The following DYNC2H1 variants were observed in gnomAD, a reference collection of about 807,000 sequenced individuals.
DYNC2H1 encodes cytoplasmic dynein 2 heavy chain 1.
A neutral mutation model predicts 570.0 loss-of-function variants in DYNC2H1; 410 were observed. The ratio of observed to expected loss-of-function variants is 0.72; its 90% CI spans 0.66 to 0.78. The LOEUF (loss-of-function observed/expected upper bound fraction) is 0.78, where lower values mean the gene tolerates loss of function less well. Ranked by LOEUF, DYNC2H1 falls within the 30% of genes least tolerant of loss-of-function variation. DYNC2H1 has a pLI of 0.00. For missense variants in DYNC2H1, 4,865 were observed against 5,046.4 expected, an observed-to-expected ratio of 0.96 and a Z score of 1.09; for synonymous variants, 1,688 against 1,677.6, an observed-to-expected ratio of 1.01 and a Z score of -0.15.
chr11:103,187,431 C>G lies in DYNC2H1; in HGVS notation c.6985C>G (p.Gln2329Glu), dbSNP rs1294878189. The change falls in exon 43 of 89, where the codon CAG becomes GAG. Residue 2329 changes from glutamine to glutamate, a missense_variant. Physicochemically the swap from Gln to Glu is conservative, Grantham distance 29. Transcript: ENST00000375735. ...SAQTTSRHLL[Q>E]KLSQTCMVIS... The stretch of plus-strand genomic sequence containing the variant: ...ACAAACCACTTCTCGACATCTCCTG[C>G]AGAAACTGAGCCAGACTTGCATGGT... 6.2e-7 allele frequency: 1 copy of G among 1,613,300 alleles called. No homozygotes were observed. Among genetic ancestry groups the G allele is most frequent in the Non-Finnish European group, 8.5e-7 (1 of 1,179,452 alleles).
chr11:103,192,120 T>G lies in DYNC2H1; in HGVS notation c.7564T>G (p.Tyr2522Asp). The G allele has an allele frequency of 2.0e-6, 3 of 1,533,064 alleles. No individual in the cohort carries two copies. Among genetic ancestry groups the G allele is most frequent in the Non-Finnish European group, 1.8e-6 (2 of 1,134,254 alleles). 95.0% of individuals were successfully genotyped at this position (1,533,064 alleles called of 1,614,324 possible). ...AGGATCCTCAAACCATCCACTAGATTATGTGTTAGAAATTGTAGCATATGA... is the reference window on the plus strand; with the variant it reads ...AGGATCCTCAAACCATCCACTAGATGATGTGTTAGAAATTGTAGCATATGA... ...EGGSSNHPLD[Y>D]VLEIVAYEAR... The change falls in exon 47 of 89, where the codon TAT becomes GAT. Residue 2522 changes from tyrosine to aspartate, a missense_variant. Physicochemically the swap from Tyr to Asp is radical, Grantham distance 160. This residue lies in a region of DYNC2H1 where 2,401 missense variants were observed against 2,454.6 expected (regional missense o/e 0.98). Transcript: ENST00000375735.
intron 85 of DYNC2H1, among the ~76,000 whole-genome samples, chr11:103,453,445 A>G (rs1255412458): frequency 1.3e-5 from 2 of 151,892 alleles, no homozygotes; most frequent in African/African-American, 2.4e-5. Context: ...TTTGTTATTT[A>G]TTTATCTCAT....
intron 84 of DYNC2H1, among the ~76,000 whole-genome samples, chr11:103,409,287 C>T (rs1942989526): frequency 6.6e-6 from 1 of 151,800 alleles, no homozygotes; most frequent in African/African-American, 2.4e-5. Flanking sequence ...TGGGTTATTC[C>T]GGTTTGATGT....
Position 103,204,707 on chromosome 11 carries a change from T to C in DYNC2H1, c.8312-115T>C. Reference sequence around the variant, plus strand: ...AATCATAACATAATATTGTTTTATATTGTGCTCGTTTTAAGAAACAACTCC... The same window carrying C: ...AATCATAACATAATATTGTTTTATACTGTGCTCGTTTTAAGAAACAACTCC... On this transcript the variant is annotated intron_variant, in intron 51 of 88. Transcript: ENST00000375735. The surrounding 1 kb of genome is among the most constrained non-coding windows in gnomAD (Gnocchi z 4.1). 1 of 693,810 alleles carries C rather than the reference T, an allele frequency of 1.4e-6. No individual in the cohort carries two copies. Among genetic ancestry groups the C allele is most frequent in the Non-Finnish European group, 2.3e-6 (1 of 433,528 alleles). The allele number at this position is 693,810 out of a possible 1,614,324, so 43.0% of individuals were successfully genotyped here.
intron 55 of DYNC2H1, among the ~76,000 whole-genome samples, chr11:103,218,191 A>G (rs1370315590): frequency 1.3e-5 from 2 of 152,184 alleles, no homozygotes; most frequent in Admixed American, 1.3e-4. Flanking sequence ...ATCTTAGTAC[A>G]TCAGCCAGCA....
At chr11:103,154,854 G>A (rs1332636283) in intron 24 of DYNC2H1, 45 bp downstream of exon 24, 4 of 1,407,262 alleles carry the variant, frequency 2.8e-6, no homozygotes, top group African/African-American at 1.5e-5. Context: ...AATGTTTGGA[G>A]CTTTCATCTT....
Position 103,461,735 on chromosome 11 carries a change from T to G in DYNC2H1, c.12648+5379T>G, listed in dbSNP as rs1009049908. Among the ~76,000 whole-genome samples, 1 of 152,066 alleles carries G rather than the reference T, an allele frequency of 6.6e-6. No homozygotes were observed. The highest frequency in any genetic ancestry group is 2.4e-5 in the African/African-American group (1 of 41,436). ...TCCTTTGGTCTTCAAGGTTTTTTTTTTTTAATAATGTTTAATACTTTCTAT... is the reference window on the plus strand; with the variant it reads ...TCCTTTGGTCTTCAAGGTTTTTTTTGTTTAATAATGTTTAATACTTTCTAT... On this transcript the variant is annotated intron_variant, in intron 87 of 88. Coordinates refer to ENST00000375735, the MANE Select transcript of DYNC2H1 (RefSeq NM_001377.3). The surrounding 1 kb of genome is among the most constrained non-coding windows in gnomAD (Gnocchi z 4.8).
chr11:103,177,524 A>C lies in DYNC2H1; in HGVS notation c.5875-32A>C. 4 of 1,573,646 alleles carry C rather than the reference A, an allele frequency of 2.5e-6. No homozygotes were observed. The highest frequency in any genetic ancestry group is 3.4e-6 in the Non-Finnish European group (4 of 1,164,778). ...GAACTAAGTATGATTGAATATTATAAATCATATATGAACATATTTCTTTCC... is the reference window on the plus strand; with the variant it reads ...GAACTAAGTATGATTGAATATTATACATCATATATGAACATATTTCTTTCC... On this transcript the variant is annotated intron_variant, in intron 37 of 88. Coordinates refer to ENST00000375735, the MANE Select transcript of DYNC2H1 (RefSeq NM_001377.3). The surrounding 1 kb of genome is among the most constrained non-coding windows in gnomAD (Gnocchi z 4.4).
In DYNC2H1 at chr11:103,440,787, C is replaced by G. The variant is rs190332147; in HGVS notation, c.12456+4755C>G. Among the ~76,000 whole-genome samples the G allele has an allele frequency of 6.2e-4, 95 of 152,182 alleles. 1 individual carries two copies. The highest frequency in any genetic ancestry group is 2.2e-3 in the African/African-American group (93 of 41,522). On this transcript the variant is annotated intron_variant, in intron 85 of 88. Transcript: ENST00000375735. ...AAATTTTTGGAATCATTGTTTACTT[C>G]TCTCCTCTCACACTTTATATCCAGT...
chr11:103,281,795 A>G (rs569636703), intron 71 of DYNC2H1, among the ~76,000 whole-genome samples: 2 of 151,800 alleles, frequency 1.3e-5, no homozygotes, highest in South Asian at 4.2e-4. Context: ...TTTTCTCAAT[A>G]TTTCCTACCA....
chr11:103,113,516 A>G, intron 1 of DYNC2H1, 21 bp from the exon 2 acceptor site: 4 of 1,487,488 alleles, frequency 2.7e-6, no homozygotes, highest in Non-Finnish European at 3.6e-6. Flanking sequence ...AGATAACATT[A>G]AAAATCATTT....
chr11:103,153,632 T>C lies in DYNC2H1; in HGVS notation c.3302+124T>C. 6.8e-6 allele frequency: 6 copies of C among 888,172 alleles called. No individual in the cohort carries two copies. The South Asian group carries it at 9.8e-5, about 14-fold the overall frequency. The allele number at this position is 888,172 out of a possible 1,614,324, so 55.0% of individuals were successfully genotyped here. On this transcript the variant is annotated intron_variant, in intron 22 of 88. Transcript: ENST00000375735. ...TCATAAACTTCATCACTTTTTAAAC[T>C]ACAAATAATAAGCATTCATATACTG...
At chr11:103,259,752 C>A in intron 69 of DYNC2H1, 136 bp from the exon 70 acceptor site, 2 of 531,496 alleles carry the variant, frequency 3.8e-6, no homozygotes, top group South Asian at 3.1e-5. Flanking sequence ...AAGTTTAATG[C>A]ACTTGTTTAG....
rs313861 is a variant in DYNC2H1 at position 103,465,014 on chromosome 11, A to G, written c.12649-3575A>G. ...GATATAATGTGTTAAAATTCATACT[A>G]TGTTCAGTACTGAATACTTTAAGAA... On this transcript the variant is annotated intron_variant, in intron 87 of 88. Coordinates refer to ENST00000375735, the MANE Select transcript of DYNC2H1 (RefSeq NM_001377.3). This position sits in a 1 kb window ranked among gnomAD's most constrained non-coding sequence, Gnocchi z 4.9. Among the ~76,000 whole-genome samples, 4,430 of 150,646 alleles carry G rather than the reference A, an allele frequency of 0.029. 218 individuals are homozygous for G. The highest frequency in any genetic ancestry group is 0.1 in the African/African-American group (4,147 of 41,472).
Position 103,326,533 on chromosome 11 carries a change from G to A in DYNC2H1, c.12039+2543G>A, listed in dbSNP as rs1010535224. 1.4e-4 allele frequency among the ~76,000 whole-genome samples: 22 copies of A among 152,170 alleles called. No individual in the cohort carries two copies. The highest frequency in any genetic ancestry group is 5.3e-4 in the African/African-American group (22 of 41,430). The stretch of plus-strand genomic sequence containing the variant: ...CAGTGTTGGCCGCAGATCTGGGCTC[G>A]GTACTCCTGAGCTGCAGACCGCATT... On this transcript the variant is annotated intron_variant, in intron 82 of 88. Transcript: ENST00000375735. This position sits in a 1 kb window ranked among gnomAD's most constrained non-coding sequence, Gnocchi z 6.1.
In DYNC2H1 at chr11:103,324,283, A is replaced by G. The variant is rs1056562618; in HGVS notation, c.12039+293A>G. Among the ~76,000 whole-genome samples the G allele has an allele frequency of 5.3e-5, 8 of 152,174 alleles. No homozygotes were observed. Among genetic ancestry groups the G allele is most frequent in the Admixed American group, 3.3e-4 (5 of 15,278 alleles). ...TTATTTTATCACGTAGGTAATAAGTATAGTGCCCAACAGGTAATTTTTCGA... is the reference window on the plus strand; with the variant it reads ...TTATTTTATCACGTAGGTAATAAGTGTAGTGCCCAACAGGTAATTTTTCGA... On this transcript the variant is annotated intron_variant, in intron 82 of 88. Transcript: ENST00000375735. This position sits in a 1 kb window ranked among gnomAD's most constrained non-coding sequence, Gnocchi z 5.2.
chr11:103,306,640 T>C (rs1565481544), intron 77 of DYNC2H1, among the ~76,000 whole-genome samples: 1 of 152,122 alleles, frequency 6.6e-6, no homozygotes, highest in East Asian at 1.9e-4. Flanking sequence ...AGCACAATGT[T>C]TTTAGGGCCA....
rs1321604346 is a variant in DYNC2H1 at position 103,129,511 on chromosome 11, A to G, written c.1953+506A>G. ...AGCCTGGCCAACATGGTGAAACCCCATCTCAACTAAAAATACAAAAAAATT... is the reference window on the plus strand; with the variant it reads ...AGCCTGGCCAACATGGTGAAACCCCGTCTCAACTAAAAATACAAAAAAATT... On this transcript the variant is annotated intron_variant, in intron 13 of 88. Transcript: ENST00000375735. This position sits in a 1 kb window ranked among gnomAD's most constrained non-coding sequence, Gnocchi z 4.1. Among the ~76,000 whole-genome samples the G allele has an allele frequency of 6.6e-6, 1 of 152,030 alleles. No homozygotes were observed. Among genetic ancestry groups the G allele is most frequent in the East Asian group, 1.9e-4 (1 of 5,174 alleles).
Position 103,324,765 on chromosome 11 carries a change from T to C in DYNC2H1, c.12039+775T>C, listed in dbSNP as rs1477986504. On this transcript the variant is annotated intron_variant, in intron 82 of 88. Transcript: ENST00000375735. The surrounding 1 kb of genome is among the most constrained non-coding windows in gnomAD (Gnocchi z 5.2). ...TCTGGGTCAAATGGTAGTTCTGTTTTAAGTTCTTCGAGAAATCGCCAAACT... is the reference window on the plus strand; with the variant it reads ...TCTGGGTCAAATGGTAGTTCTGTTTCAAGTTCTTCGAGAAATCGCCAAACT... Among the ~76,000 whole-genome samples, 1 of 152,180 alleles carries C rather than the reference T, an allele frequency of 6.6e-6. No individual in the cohort carries two copies. Among genetic ancestry groups the C allele is most frequent in the Non-Finnish European group, 1.5e-5 (1 of 68,030 alleles).
Sources: allele counts gnomAD v4.1 joint callset (sites outside exome capture counted in the v4.1 genomes callset), GRCh38; gene constraint gnomAD v4.1.1; regional missense constraint gnomAD v4.1.1; non-coding constraint Gnocchi (gnomAD v3.1); transcripts MANE v1.5; gene names NCBI Gene and HGNC (gene_info 2026-07-23, HGNC 2026-07-21).